Variants in MIS18BP1 observed in about 807,000 individuals in gnomAD.
MIS18BP1 encodes the protein MIS18 binding protein 1.
MIS18BP1 carries 72 observed loss-of-function variants against 116.1 expected under a neutral mutation model. The observed-to-expected ratio is 0.62, with a 90% CI of 0.51 to 0.75. The LOEUF is 0.75. Among genes scored for constraint, MIS18BP1 ranks in the 30% least tolerant of loss-of-function variants. MIS18BP1 has a pLI of 0.00. For synonymous variants in MIS18BP1, 386 were observed against 427.0 expected (o/e 0.90, Z 1.18); for missense variants, 1,363 against 1,303.2 (o/e 1.05, Z -0.71).
chr14:45,208,147 G>T (rs1890570901), intron 14 of MIS18BP1, among the ~76,000 whole-genome samples: 1 of 152,058 alleles, frequency 6.6e-6, no homozygotes, highest in South Asian at 2.1e-4. Flanking sequence ...TTAAATTCTT[G>T]AAGACATGAT....
chr14:45,250,945 G>A (rs925575350), intron 1 of MIS18BP1, among the ~76,000 whole-genome samples: 6 of 151,466 alleles, frequency 4.0e-5, no homozygotes, highest in East Asian at 2.0e-4. Flanking sequence ...GCTGAGGCAG[G>A]AGAATGGAGT....
rs145405817 is a variant in MIS18BP1 at position 45,231,140 on chromosome 14, C to G, written c.1594+1G>C. 2 of 1,610,156 alleles carry G rather than the reference C, an allele frequency of 1.2e-6. No homozygotes were observed. Among genetic ancestry groups the G allele is most frequent in the Non-Finnish European group, 1.7e-6 (2 of 1,178,774 alleles). ...AACAGAGAAGTAAAGACAAAACATA[C>G]CCAAATTATCACAATCAAAATCGTA... On this transcript the variant is annotated splice_donor_variant, in intron 8 of 16. Coordinates refer to ENST00000310806, the MANE Select transcript of MIS18BP1 (RefSeq NM_018353.5). LOFTEE classifies it high-confidence loss of function.
chr14:45,250,473 C>T (rs564236450), intron 1 of MIS18BP1, among the ~76,000 whole-genome samples: 1 of 152,304 alleles, frequency 6.6e-6, no homozygotes, highest in African/African-American at 2.4e-5. Flanking sequence ...TAACTAGCAA[C>T]CCGCAAGTGG....
At chr14:45,235,319 T>C (rs560554324) in intron 6 of MIS18BP1, among the ~76,000 whole-genome samples, 1 of 152,244 alleles carries the variant, frequency 6.6e-6, no homozygotes, top group Admixed American at 6.5e-5. Flanking sequence ...CACGATGTTG[T>C]TCCAGGCTTA....
At chr14:45,234,477 C>G (rs918183992) in intron 6 of MIS18BP1, among the ~76,000 whole-genome samples, 2 of 152,018 alleles carry the variant, frequency 1.3e-5, no homozygotes, top group African/African-American at 4.8e-5. Flanking sequence ...ATAATAAAAG[C>G]AGGTGTTAAT....
Position 45,227,735 on chromosome 14 carries a change from TG to T in MIS18BP1, c.1673del (p.Pro558GlnfsTer3). On this transcript the variant is annotated frameshift_variant, in exon 9 of 17. Coordinates refer to ENST00000310806, the MANE Select transcript of MIS18BP1 (RefSeq NM_018353.5). LOFTEE classifies it high-confidence loss of function. ...NMCHSNCQNK[P>X]TLRFPDDQVN... ...CTTGGTCATCTGGGAACCTTAATGT[TG>T]GTTTATTTTGGCAATTACTGTGGCA... is the stretch of plus-strand genomic sequence containing the variant. 6.2e-7 allele frequency: 1 copy of T among 1,613,810 alleles called. No individual in the cohort carries two copies. The highest frequency in any genetic ancestry group is 8.5e-7 in the Non-Finnish European group (1 of 1,179,702).
At chr14:45,211,633 G>A (rs1022341504) in intron 13 of MIS18BP1, among the ~76,000 whole-genome samples, 1 of 152,318 alleles carries the variant, frequency 6.6e-6, no homozygotes, top group East Asian at 1.9e-4. Flanking sequence ...CAAGCGGCAA[G>A]TAGTTGGACC....
At chr14:45,245,675 T>C (rs1221007743) in intron 2 of MIS18BP1, among the ~76,000 whole-genome samples, 1 of 152,130 alleles carries the variant, frequency 6.6e-6, no homozygotes, top group African/African-American at 2.4e-5. Context: ...GCCTTTCTAC[T>C]CTTTATTCTA....
At chr14:45,212,244 C>A (rs759639497) in intron 13 of MIS18BP1, among the ~76,000 whole-genome samples, 1 of 152,152 alleles carries the variant, frequency 6.6e-6, no homozygotes, top group Non-Finnish European at 1.5e-5. Context: ...CCTAATCTCT[C>A]TCTCTCTTCC....
Position 45,204,194 on chromosome 14 carries a change from C to A in MIS18BP1, c.3314G>T (p.Gly1105Val), listed in dbSNP as rs375694149. The A allele has an allele frequency of 6.2e-7, 1 of 1,609,612 alleles. No homozygotes were observed. Among genetic ancestry groups the A allele is most frequent in the Non-Finnish European group, 8.5e-7 (1 of 1,178,444 alleles). ...AGCATTAGTGAAAAGTTTTCCAATACCAGAGTTTTCTCCTAAGTCTGTAAA... is the reference window on the plus strand; with the variant it reads ...AGCATTAGTGAAAAGTTTTCCAATAACAGAGTTTTCTCCTAAGTCTGTAAA... ...PFNTDLGENS[G>V]IGKLFTNAVE... Residue 1105 changes from glycine to valine, a missense_variant, in exon 17 of 17, where the codon GGT (glycine) becomes GTT (valine). Coordinates refer to ENST00000310806, the MANE Select transcript of MIS18BP1 (RefSeq NM_018353.5).
chr14:45,215,429 T>G (rs938678361), intron 13 of MIS18BP1, among the ~76,000 whole-genome samples: 2 of 152,130 alleles, frequency 1.3e-5, no homozygotes, highest in African/African-American at 4.8e-5. Context: ...TTAATCTTAA[T>G]AATTTTTTTT....
chr14:45,223,704 A>G (rs1891037807), intron 11 of MIS18BP1, among the ~76,000 whole-genome samples: 1 of 152,240 alleles, frequency 6.6e-6, no homozygotes, highest in East Asian at 1.9e-4. Flanking sequence ...CTTTCCTCAT[A>G]CTTAGGCTTT....
chr14:45,236,084 A>G, intron 5 of MIS18BP1, 140 bp from the exon 6 acceptor site: 1 of 781,264 alleles, frequency 1.3e-6, no homozygotes. Flanking sequence ...CAAACATTAC[A>G]GCAGAACTCA....
chr14:45,246,072 G>C (rs1264347979), intron 2 of MIS18BP1, among the ~76,000 whole-genome samples: 2 of 152,088 alleles, frequency 1.3e-5, no homozygotes, highest in Admixed American at 1.3e-4. Context: ...CTCTATTTCA[G>C]AACAGCCAGA....
At position 45,223,981 on chromosome 14, in the gene MIS18BP1, T is replaced by C; in HGVS notation, c.2606A>G (p.Glu869Gly). The change falls in exon 11 of 17, where the codon GAA becomes GGA. Residue 869 changes from glutamate (E) to glycine (G), a missense_variant. Coordinates refer to ENST00000310806, the MANE Select transcript of MIS18BP1 (RefSeq NM_018353.5). ...GSDKTNRHPL[E>G]CLPGLIQDKE... Reference sequence around the variant, plus strand: ...ATCCTGAATTAAACCAGGTAAGCATTCTAAGGGATGCCTATTTGTCTTATC... The same window carrying C: ...ATCCTGAATTAAACCAGGTAAGCATCCTAAGGGATGCCTATTTGTCTTATC... The C allele has an allele frequency of 4.3e-6, 7 of 1,611,032 alleles. No homozygotes were observed. Among genetic ancestry groups the C allele is most frequent in the Non-Finnish European group, 5.1e-6 (6 of 1,179,258 alleles).
At chr14:45,213,405 AACAAGG>A (rs1284879172) in intron 13 of MIS18BP1, among the ~76,000 whole-genome samples, 1 of 152,236 alleles carries the variant, frequency 6.6e-6, no homozygotes, top group Non-Finnish European at 1.5e-5. Flanking sequence ...AAGGTCAAGG[AACAAGG>A]ACAAGGACAG....
At chr14:45,215,709 C>CA (rs1488365808) in intron 13 of MIS18BP1, among the ~76,000 whole-genome samples, 2 of 136,742 alleles carry the variant, frequency 1.5e-5, no homozygotes, top group African/African-American at 2.7e-5. Context: ...CTGCACCCGG[C>CA]TTTTTTTTTT....
chr14:45,232,139 G>A (rs1445351863), intron 7 of MIS18BP1, among the ~76,000 whole-genome samples: 2 of 151,966 alleles, frequency 1.3e-5, no homozygotes, highest in Non-Finnish European at 2.9e-5. Context: ...CATTTCAGGC[G>A]GGCGCGGTGT....
chr14:45,206,039 A>C (rs1295358968), intron 15 of MIS18BP1, 44 bp downstream of exon 15: 2 of 1,262,012 alleles, frequency 1.6e-6, no homozygotes, highest in East Asian at 4.7e-5. Context: ...ATCACATATT[A>C]AAGTTGTTTC....
Sources: gnomAD v4.1 joint callset for allele counts (sites outside exome capture counted in the v4.1 genomes callset) on GRCh38, gnomAD v4.1.1 for gene constraint, MANE v1.5 for transcripts, NCBI Gene and HGNC (gene_info 2026-07-23, HGNC 2026-07-21) for gene names.